Variants in SNN observed in about 807,000 individuals in gnomAD.
The protein encoded by SNN is stannin.
Under a neutral mutation model 5.3 loss-of-function variants are expected in SNN, and 5 were observed. The ratio of observed to expected loss-of-function variants is 0.94; its 90% CI spans 0.49 to 1.97. The LOEUF (loss-of-function observed/expected upper bound fraction) is 1.97, where lower values mean the gene tolerates loss of function less well. SNN is among the 30% of genes most tolerant of loss of function. SNN has a pLI of 0.01. For missense variants in SNN, 127 were observed against 121.6 expected (o/e 1.04, Z -0.21); for synonymous variants, 67 against 52.1 (o/e 1.29, Z -1.24).
chr16:11,677,657 C>G lies in SNN; in HGVS notation c.*1331C>G, dbSNP rs8191338. 2 of 167,022 alleles carry G rather than the reference C, an allele frequency of 1.2e-5. No individual in the cohort carries two copies. The highest frequency in any genetic ancestry group is 6.5e-5 in the Admixed American group (1 of 15,290). The allele number at this position is 167,022 out of a possible 1,614,324, so 10.3% of individuals were successfully genotyped here. On this transcript the variant is annotated 3_prime_UTR_variant, in exon 2 of 2. Transcript: ENST00000329565. The surrounding 1 kb of genome is among the most constrained non-coding windows in gnomAD (Gnocchi z 4.2). ...TCCACAGCCTGTCTCCAAGGCCTCC[C>G]CTATGTACATTTCAGTGAGCTCACT...
In SNN at chr16:11,676,045, C is replaced by T. The variant is rs1409259325; in HGVS notation, c.-15C>T. The stretch of plus-strand genomic sequence containing the variant: ...CCCAAAGTGCTGCCAGCCGAGGAAG[C>T]CCCCAGCACTGACCATGTCTATTAT... On this transcript the variant is annotated 5_prime_UTR_variant, in exon 2 of 2. Coordinates refer to ENST00000329565, the MANE Select transcript of SNN (RefSeq NM_003498.6). 1.9e-6 allele frequency: 3 copies of T among 1,562,190 alleles called. No individual in the cohort carries two copies. Among genetic ancestry groups the T allele is most frequent in the African/African-American group, 2.7e-5 (2 of 73,836 alleles).
Position 11,671,553 on chromosome 16 carries a change from C to G in SNN, c.-86+3013C>G, listed in dbSNP as rs909057579. On this transcript the variant is annotated intron_variant, in intron 1 of 1. Transcript: ENST00000329565. This position sits in a 1 kb window ranked among gnomAD's most constrained non-coding sequence, Gnocchi z 4.7. The stretch of plus-strand genomic sequence containing the variant: ...TGCCAGATGGAGATGCTAGGGTGAA[C>G]AAAGGTGGCTGCAGCCTTTCTGGAT... Among the ~76,000 whole-genome samples, 7 of 152,166 alleles carry G rather than the reference C, an allele frequency of 4.6e-5. No homozygotes were observed. Among genetic ancestry groups the G allele is most frequent in the African/African-American group, 1.7e-4 (7 of 41,434 alleles).
At position 11,672,204 on chromosome 16, in the gene SNN, G is replaced by C. The variant is rs987144247; in HGVS notation, c.-86+3664G>C. 2.0e-5 allele frequency among the ~76,000 whole-genome samples: 3 copies of C among 152,202 alleles called. No homozygotes were observed. The highest frequency in any genetic ancestry group is 7.2e-5 in the African/African-American group (3 of 41,456). On this transcript the variant is annotated intron_variant, in intron 1 of 1. Transcript: ENST00000329565. The surrounding 1 kb of genome is among the most constrained non-coding windows in gnomAD (Gnocchi z 6.0). Reference sequence around the variant, plus strand: ...TGTACCCGTGCAGGGCAGGGGTACAGCTGTGGGCGGGACAGACGGTGCCCT... The same window carrying C: ...TGTACCCGTGCAGGGCAGGGGTACACCTGTGGGCGGGACAGACGGTGCCCT...
chr16:11,672,896 C>T lies in SNN; in HGVS notation c.-85-3079C>T, dbSNP rs1248234827. Among the ~76,000 whole-genome samples the T allele has an allele frequency of 6.6e-6, 1 of 152,184 alleles. No individual in the cohort carries two copies. The highest frequency in any genetic ancestry group is 1.5e-5 in the Non-Finnish European group (1 of 68,028). The stretch of plus-strand genomic sequence containing the variant: ...CTCAGGTGCCTCCTGGCCTGCCCAC[C>T]TGGCTTTGCCCCGCCTATCCCAGGT... On this transcript the variant is annotated intron_variant, in intron 1 of 1. Coordinates refer to ENST00000329565, the MANE Select transcript of SNN (RefSeq NM_003498.6). This position sits in a 1 kb window ranked among gnomAD's most constrained non-coding sequence, Gnocchi z 6.0.
intron 1 of SNN, 29 bp from the exon 2 acceptor site, chr16:11,675,946 G>C (rs1020412749): frequency 8.6e-7 from 1 of 1,157,500 alleles, no homozygotes; most frequent in Admixed American, 2.6e-5. Flanking sequence ...AGTGCTAACC[G>C]CAGCTCGTCA....
At chr16:11,669,662 C>G (rs2050253962) in intron 1 of SNN, among the ~76,000 whole-genome samples, 1 of 152,198 alleles carries the variant, frequency 6.6e-6, no homozygotes, top group Non-Finnish European at 1.5e-5. Context: ...CCAACTTTCT[C>G]CGGCATCTAC....
chr16:11,679,126 A>G lies in SNN; in HGVS notation c.*2800A>G, dbSNP rs562437497. 20 of 1,490,424 alleles carry G rather than the reference A, an allele frequency of 1.3e-5. No individual in the cohort carries two copies. The African/African-American group carries it at 2.7e-4, about 20-fold the overall frequency. 92.3% of individuals were successfully genotyped at this position (1,490,424 alleles called of 1,614,324 possible). ...AAATCTTTATTTACAATAAATTTCA[A>G]TAAAATTTGCATAAATATATTCCCA... On this transcript the variant is annotated 3_prime_UTR_variant, in exon 2 of 2. Transcript: ENST00000329565. The surrounding 1 kb of genome is among the most constrained non-coding windows in gnomAD (Gnocchi z 4.6).
intron 1 of SNN, among the ~76,000 whole-genome samples, chr16:11,673,292 G>A (rs2050277742): frequency 6.6e-6 from 1 of 152,190 alleles, no homozygotes; most frequent in Admixed American, 6.5e-5. Context: ...GGAGAGGCCA[G>A]GGTGGTCTGT....
Position 11,679,025 on chromosome 16 carries a change from C to T in SNN, c.*2699C>T. 1 of 725,358 alleles carries T rather than the reference C, an allele frequency of 1.4e-6. No homozygotes were observed. The highest frequency in any genetic ancestry group is 1.8e-5 in the African/African-American group (1 of 55,804). The allele number at this position is 725,358 out of a possible 1,614,324, so 44.9% of individuals were successfully genotyped here. ...TTGTCTCAAAGCTACCAAGTTTGTG[C>T]AATAAGTGGAAGGGATGTCATCCTT... On this transcript the variant is annotated 3_prime_UTR_variant, in exon 2 of 2. Transcript: ENST00000329565. This position sits in a 1 kb window ranked among gnomAD's most constrained non-coding sequence, Gnocchi z 4.6.
chr16:11,676,127 C>T lies in SNN; in HGVS notation c.68C>T (p.Ala23Val), dbSNP rs760515672. ...GTCATCGTCATCCTCATTGCCATCG[C>T]GGCCCTGGGGGCCTTGATCCTGGGC... ...VTVIVILIAI[A>V]ALGALILGCW... Residue 23 changes from alanine (A) to valine (V), a missense_variant, in exon 2 of 2, where the codon GCG becomes GTG. Transcript: ENST00000329565. The T allele has an allele frequency of 3.1e-6, 5 of 1,614,044 alleles. No homozygotes were observed. Among genetic ancestry groups the T allele is most frequent in the African/African-American group, 1.3e-5 (1 of 74,948 alleles).
chr16:11,669,415 C>G (rs535436320), intron 1 of SNN, among the ~76,000 whole-genome samples: 1 of 152,338 alleles, frequency 6.6e-6, no homozygotes, highest in South Asian at 2.1e-4. Context: ...GAGAATGTGG[C>G]ATTTTAGAGT....
chr16:11,678,881 A>C lies in SNN; in HGVS notation c.*2555A>C, dbSNP rs1368815986. 9.9e-6 allele frequency: 3 copies of C among 303,246 alleles called. No individual in the cohort carries two copies. Among genetic ancestry groups the C allele is most frequent in the African/African-American group, 6.8e-5 (3 of 44,230 alleles). 18.8% of individuals were successfully genotyped at this position (303,246 alleles called of 1,614,324 possible). A position where few individuals can be genotyped will look rare whatever the true frequency, so the allele number is the denominator to read the frequency against. ...CTGACTAATAAGAAATTAAGCATTC[A>C]TCCTTCGTATCACTGCAGAAGCAAC... is the stretch of plus-strand genomic sequence containing the variant. On this transcript the variant is annotated 3_prime_UTR_variant, in exon 2 of 2. Transcript: ENST00000329565.
rs2141942223 is a variant in SNN, at chr16:11,676,801, C to T, written c.*475C>T. ...TGGAGGGTCATAGGCTTGTAAAGGC[C>T]CACGCCACACTCGGCAGGGGTCTCT... is the stretch of plus-strand genomic sequence containing the variant. On this transcript the variant is annotated 3_prime_UTR_variant, in exon 2 of 2. Transcript: ENST00000329565. 5.7e-6 allele frequency: 1 copy of T among 173,918 alleles called. No homozygotes were observed. The allele number at this position is 173,918 out of a possible 1,614,324, so 10.8% of individuals were successfully genotyped here.
chr16:11,679,062 G>A lies in SNN; in HGVS notation c.*2736G>A. 1.0e-6 allele frequency: 1 copy of A among 972,114 alleles called. No individual in the cohort carries two copies. Among genetic ancestry groups the A allele is most frequent in the Non-Finnish European group, 1.5e-6 (1 of 662,736 alleles). The allele number at this position is 972,114 out of a possible 1,614,324, so 60.2% of individuals were successfully genotyped here. A position where few individuals can be genotyped will look rare whatever the true frequency, so the allele number is the denominator to read the frequency against. ...GGGATGTCATCCTTCTTCAATAAAT[G>A]CTGAATGACATTCAAGCTGATTTTC... On this transcript the variant is annotated 3_prime_UTR_variant, in exon 2 of 2. Transcript: ENST00000329565. This position sits in a 1 kb window ranked among gnomAD's most constrained non-coding sequence, Gnocchi z 4.6.
rs937537787 is a variant in SNN, at chr16:11,676,332, G to T, written c.*6G>T. On this transcript the variant is annotated 3_prime_UTR_variant, in exon 2 of 2. Transcript: ENST00000329565. ...GCCCGGAAGTCCACGGCTGAGCCAG[G>T]ATGCAAGGCTCCTGGTCCTGTTTGC... 6.2e-7 allele frequency: 1 copy of T among 1,609,098 alleles called. No homozygotes were observed. Among genetic ancestry groups the T allele is most frequent in the Admixed American group, 1.7e-5 (1 of 59,930 alleles).
At chr16:11,670,219 T>TGGGGGG (rs145789425) in intron 1 of SNN, among the ~76,000 whole-genome samples, 8 of 150,738 alleles carry the variant, frequency 5.3e-5, no homozygotes, top group Admixed American at 1.3e-4. Flanking sequence ...GGTGGCTTTA[T>TGGGGGG]GGGGGGAGGC....
rs1427248519 is a variant in SNN at position 11,677,633 on chromosome 16, C to T, written c.*1307C>T. 1.2e-5 allele frequency: 2 copies of T among 167,048 alleles called. No homozygotes were observed. The highest frequency in any genetic ancestry group is 4.8e-5 in the African/African-American group (2 of 41,454). The allele number at this position is 167,048 out of a possible 1,614,324, so 10.3% of individuals were successfully genotyped here. On this transcript the variant is annotated 3_prime_UTR_variant, in exon 2 of 2. Transcript: ENST00000329565. This position sits in a 1 kb window ranked among gnomAD's most constrained non-coding sequence, Gnocchi z 4.2. ...GTGGCTCTCTGGTGAGCTAGTGTCT[C>T]CACAGCCTGTCTCCAAGGCCTCCCC...
Position 11,668,824 on chromosome 16 carries a change from C to T in SNN, c.-86+284C>T, listed in dbSNP as rs568003052. Among the ~76,000 whole-genome samples, 7 of 151,546 alleles carry T rather than the reference C, an allele frequency of 4.6e-5. No individual in the cohort carries two copies. The South Asian group carries it at 1.5e-3, about 31-fold the overall frequency. On this transcript the variant is annotated intron_variant, in intron 1 of 1. Transcript: ENST00000329565. The surrounding 1 kb of genome is among the most constrained non-coding windows in gnomAD (Gnocchi z 6.8). ...CTTTGTGGGGATCGCGGGGCGCTCG[C>T]CCCCGCCCGTGCAGCCCCCGCCCGT...
At chr16:11,675,863 G>A (rs113558253) in intron 1 of SNN, 112 bp from the exon 2 acceptor site, 15 of 590,466 alleles carry the variant, frequency 2.5e-5, no homozygotes, top group African/African-American at 9.2e-5. Flanking sequence ...TTCGAACGCC[G>A]GCCAGCATGC....
Sources: allele counts gnomAD v4.1 joint callset (sites outside exome capture counted in the v4.1 genomes callset), GRCh38; gene constraint gnomAD v4.1.1; non-coding constraint Gnocchi (gnomAD v3.1); transcripts MANE v1.5; gene names NCBI Gene and HGNC (gene_info 2026-07-23, HGNC 2026-07-21).